Variants in CAPN3 observed in about 807,000 individuals in gnomAD.
CAPN3 encodes calpain 3.
A neutral mutation model predicts 114.0 loss-of-function variants in CAPN3; 88 were observed. That is an observed-to-expected ratio of 0.77 (90% CI 0.65 to 0.92). The LOEUF is 0.92. Ranked by LOEUF, CAPN3 falls within the 40% of genes least tolerant of loss-of-function variation. CAPN3 has a pLI of 0.00. For missense variants in CAPN3, 1,028 were observed against 1,069.0 expected (o/e 0.96, Z 0.53); for synonymous variants, 386 against 382.9 (o/e 1.01, Z -0.09).
chr15:42,394,198 A>G (rs1238454744), intron 7 of CAPN3, 58 bp from the exon 8 acceptor site: 1 of 1,476,566 alleles, frequency 6.8e-7, no homozygotes. Context: ...TCAGCAAGAC[A>G]GAAGATTCCC....
chr15:42,386,639 G>T (rs1438586735), intron 3 of CAPN3, among the ~76,000 whole-genome samples: 1 of 152,144 alleles, frequency 6.6e-6, no homozygotes, highest in African/African-American at 2.4e-5. Flanking sequence ...CCTTCAGGTT[G>T]TACAGGAACC....
intron 1 of CAPN3, among the ~76,000 whole-genome samples, chr15:42,373,603 C>T (rs909497687): frequency 1.3e-5 from 2 of 152,342 alleles, no homozygotes; most frequent in Non-Finnish European, 2.9e-5. Context: ...CTGCTTTCCC[C>T]ATCCACCACA....
intron 1 of CAPN3, among the ~76,000 whole-genome samples, chr15:42,380,524 G>A (rs1222908036): frequency 1.4e-5 from 2 of 147,836 alleles, no homozygotes; most frequent in South Asian, 2.1e-4. Context: ...GGGACTACAG[G>A]TGCATGCCAC....
At chr15:42,389,604 G>A (rs1323203433) in intron 5 of CAPN3, among the ~76,000 whole-genome samples, 3 of 152,216 alleles carry the variant, frequency 2.0e-5, no homozygotes, top group Non-Finnish European at 2.9e-5. Context: ...GGCCGCCCAT[G>A]GCCAGGCCTC....
intron 1 of CAPN3, among the ~76,000 whole-genome samples, chr15:42,384,228 A>G (rs544333959): frequency 1.7e-4 from 26 of 152,232 alleles, no homozygotes; most frequent in African/African-American, 6.0e-4. Context: ...CCTGGCCAAC[A>G]TGGTGAAACC....
chr15:42,408,063 G>A (rs1475251392), intron 15 of CAPN3, 148 bp from the exon 16 acceptor site: 35 of 649,752 alleles, frequency 5.4e-5, no homozygotes, highest in South Asian at 3.3e-4. Context: ...CAGTGGCAGA[G>A]ATAGAGCTTG....
intron 1 of CAPN3, among the ~76,000 whole-genome samples, chr15:42,373,862 T>C (rs755408826): frequency 5.3e-5 from 8 of 152,132 alleles, no homozygotes; most frequent in Non-Finnish European, 1.2e-4. Context: ...GTAGCCTGTA[T>C]AGGATTAGTA....
intron 7 of CAPN3, among the ~76,000 whole-genome samples, chr15:42,393,644 A>C (rs1253060521): frequency 7.1e-6 from 1 of 140,320 alleles, no homozygotes; most frequent in East Asian, 2.1e-4. Flanking sequence ...CCCAGGCTGG[A>C]GTGTAGTGGC....
At chr15:42,386,144 C>G (rs982848892) in intron 2 of CAPN3, 23 bp from the exon 3 acceptor site, 8 of 1,542,450 alleles carry the variant, frequency 5.2e-6, no homozygotes, top group African/African-American at 1.4e-5. Flanking sequence ...TGCTCACGAT[C>G]TGTGCCCTGT....
At chr15:42,376,178 G>A (rs1338593101) in intron 1 of CAPN3, among the ~76,000 whole-genome samples, 3 of 152,178 alleles carry the variant, frequency 2.0e-5, no homozygotes, top group African/African-American at 7.2e-5. Context: ...TGGTCATGTG[G>A]CTGAAGTAGT....
chr15:42,403,754 A>G lies in CAPN3; in HGVS notation c.1759A>G (p.Thr587Ala). 1.2e-6 allele frequency: 2 copies of G among 1,614,008 alleles called. No individual in the cohort carries two copies. The highest frequency in any genetic ancestry group is 1.7e-6 in the Non-Finnish European group (2 of 1,179,962). The change falls in exon 14 of 24, where the codon ACC (threonine) becomes GCC (alanine). Residue 587 changes from threonine to alanine, a missense_variant. By Grantham distance (58) the Thr-to-Ala change is moderately conservative (BLOSUM62 0). Coordinates refer to ENST00000397163, the MANE Select transcript of CAPN3 (RefSeq NM_000070.3). ...KRNLSEEVEN[T>A]ISVDRPVKKK... is the part of the protein sequence containing the mutation. The stretch of plus-strand genomic sequence containing the variant: ...TATTCCTCACAGGGAAGTTGAAAAT[A>G]CCATCTCCGTGGATCGGCCAGTGGT...
At position 42,410,933 on chromosome 15, in the gene CAPN3, A is replaced by AGAC. The variant is rs753836989; in HGVS notation, c.2314_2316dup (p.Asp772dup). On this transcript the variant is annotated inframe_insertion, in exon 22 of 24. Transcript: ENST00000397163. ...ATGACATCATTACCATGCGGTACGC[A>AGAC]GACAAACACATGAACATCGACTTTG... 1.6e-5 allele frequency: 26 copies of AGAC among 1,614,098 alleles called. No homozygotes were observed. Among genetic ancestry groups the AGAC allele is most frequent in the Non-Finnish European group, 2.1e-5 (25 of 1,180,020 alleles).
chr15:42,375,452 G>A (rs1566970733), intron 1 of CAPN3, among the ~76,000 whole-genome samples: 1 of 151,736 alleles, frequency 6.6e-6, no homozygotes, highest in Non-Finnish European at 1.5e-5. Flanking sequence ...GTGGGTGAAA[G>A]TGCTTGGGAG....
intron 21 of CAPN3, 63 bp downstream of exon 21, chr15:42,410,729 G>T: frequency 6.9e-7 from 1 of 1,443,858 alleles, no homozygotes; most frequent in East Asian, 2.3e-5. Flanking sequence ...GAATGGGAGG[G>T]GACTAGGCTA....
At position 42,412,035 on chromosome 15, in the gene CAPN3, G is replaced by C; in HGVS notation, c.*262G>C. The stretch of plus-strand genomic sequence containing the variant: ...ATGTGGAGGAAAGTGCCTGCCTCTG[G>C]TCCGAGCCGCCTCGGTTCTGAAGCG... On this transcript the variant is annotated 3_prime_UTR_variant, in exon 24 of 24. Coordinates refer to ENST00000397163, the MANE Select transcript of CAPN3 (RefSeq NM_000070.3). The C allele has an allele frequency of 1.3e-6, 2 of 1,516,094 alleles. No individual in the cohort carries two copies. The highest frequency in any genetic ancestry group is 4.1e-5 in the Admixed American group (2 of 48,644). The allele number at this position is 1,516,094 out of a possible 1,614,324, so 93.9% of individuals were successfully genotyped here.
intron 2 of CAPN3, among the ~76,000 whole-genome samples, chr15:42,385,382 G>T (rs2053366312): frequency 6.6e-6 from 1 of 152,028 alleles, no homozygotes; most frequent in Admixed American, 6.6e-5. Flanking sequence ...AGGAAAGACT[G>T]GCTGCTTCCA....
intron 1 of CAPN3, among the ~76,000 whole-genome samples, chr15:42,375,230 G>A (rs925416059): frequency 2.0e-5 from 3 of 151,848 alleles, no homozygotes; most frequent in Non-Finnish European, 4.4e-5. Flanking sequence ...CACAGTTTCC[G>A]GGAGAGTTCT....
chr15:42,396,836 G>C lies in CAPN3; in HGVS notation c.1152G>C (p.Lys384Asn). Residue 384 changes from lysine to asparagine, a missense_variant, in exon 9 of 24, where the codon AAG becomes AAC. Lys to Asn is a moderately conservative substitution (Grantham distance 94). Transcript: ENST00000397163. ...KDWSFVDKDEKARLQHQVTED... is the reference protein window; with the variant it reads ...KDWSFVDKDENARLQHQVTED... ...GGAGCTTTGTGGACAAAGATGAGAA[G>C]GCCCGTCTGCAGCACCAGGTCACTG... is the stretch of plus-strand genomic sequence containing the variant. 1 of 1,614,074 alleles carries C rather than the reference G, an allele frequency of 6.2e-7. No homozygotes were observed. The highest frequency in any genetic ancestry group is 8.5e-7 in the Non-Finnish European group (1 of 1,179,964).
rs570520110 is a variant in CAPN3 at position 42,411,779 on chromosome 15, G to A, written c.*6G>A. 22 of 1,611,590 alleles carry A rather than the reference G, an allele frequency of 1.4e-5. No homozygotes were observed. Among genetic ancestry groups the A allele is most frequent in the Middle Eastern group, 1.7e-4 (1 of 6,060 alleles). ...AGCTCACCATGTATGCCTGAACCAG[G>A]CTGGCCTCATCCAAAGCCATGCAGG... On this transcript the variant is annotated 3_prime_UTR_variant, in exon 24 of 24. Coordinates refer to ENST00000397163, the MANE Select transcript of CAPN3 (RefSeq NM_000070.3).
Sources: gnomAD v4.1 joint callset for allele counts (sites outside exome capture counted in the v4.1 genomes callset) on GRCh38, gnomAD v4.1.1 for gene constraint, MANE v1.5 for transcripts, NCBI Gene and HGNC (gene_info 2026-07-23, HGNC 2026-07-21) for gene names.